Variants in SASH1 observed in about 807,000 individuals in gnomAD.
The protein encoded by SASH1 is SAM and SH3 domain-containing protein 1.
A neutral mutation model predicts 125.2 loss-of-function variants in SASH1; 44 were observed. The observed-to-expected ratio is 0.35, with a 90% CI of 0.28 to 0.45. The LOEUF (loss-of-function observed/expected upper bound fraction) is 0.45. SASH1 is among the 20% of genes least tolerant of loss of function. The probability of loss-of-function intolerance (pLI) is 1.00; values close to 1 mark genes in which losing one functional copy is unlikely to be tolerated. For synonymous variants in SASH1, 639 were observed against 649.1 expected (o/e 0.98, Z 0.24); for missense variants, 1,426 against 1,614.5 (o/e 0.88, Z 2.00).
intron 1 of SASH1, among the ~76,000 whole-genome samples, chr6:148,346,193 C>T (rs753257387): frequency 1.4e-4 from 22 of 152,162 alleles, no homozygotes; most frequent in Non-Finnish European, 2.6e-4. Flanking sequence ...AGTTGTCCCC[C>T]AGGGGATTTT....
intron 1 of SASH1, among the ~76,000 whole-genome samples, chr6:148,280,840 G>A (rs1779320039): frequency 6.6e-6 from 1 of 152,058 alleles, no homozygotes; most frequent in South Asian, 2.1e-4. Context: ...CAGAGAGAGA[G>A]AAAGAGAGAA....
intron 1 of SASH1, 35 bp from the exon 2 acceptor site, chr6:148,390,099 C>A: frequency 1.2e-6 from 2 of 1,609,958 alleles, no homozygotes; most frequent in African/African-American, 1.3e-5. Flanking sequence ...CCAGGGTGGA[C>A]TGACCTGACC....
chr6:148,304,480 G>T (rs1780068618), intron 1 of SASH1, among the ~76,000 whole-genome samples: 2 of 148,998 alleles, frequency 1.3e-5, no homozygotes, highest in Non-Finnish European at 3.0e-5. Flanking sequence ...GCATGGTGGT[G>T]GGCGCCTATA....
At chr6:148,457,198 A>T (rs917562312) in intron 4 of SASH1, among the ~76,000 whole-genome samples, 3 of 138,536 alleles carry the variant, frequency 2.2e-5, no homozygotes, top group Non-Finnish European at 4.6e-5. Flanking sequence ...TTTTTTTTAC[A>T]CCTTAATTTT....
intron 1 of SASH1, among the ~76,000 whole-genome samples, chr6:148,385,737 A>G (rs535395074): frequency 3.6e-4 from 55 of 152,290 alleles, no homozygotes; most frequent in African/African-American, 1.1e-3. Flanking sequence ...GAGCTTCTGG[A>G]TAGCTGAACA....
chr6:148,260,988 A>G, the SASH1 span, among the ~76,000 whole-genome samples: 2 of 151,890 alleles, frequency 1.3e-5, no homozygotes, highest in Non-Finnish European at 2.9e-5. Context: ...TATTTTTAGT[A>G]GAGACGGGGT....
At chr6:148,306,927 G>T (rs1482074196) in intron 1 of SASH1, among the ~76,000 whole-genome samples, 1 of 152,170 alleles carries the variant, frequency 6.6e-6, no homozygotes, top group Non-Finnish European at 1.5e-5. Flanking sequence ...CTTGGTATTT[G>T]TAAACATATA....
chr6:148,451,076 T>C (rs1021989122), intron 4 of SASH1, among the ~76,000 whole-genome samples: 7 of 152,232 alleles, frequency 4.6e-5, no homozygotes, highest in African/African-American at 1.4e-4. Context: ...TATACTTCCC[T>C]AATCCCAGAA....
At chr6:148,296,005 C>T (rs1030337243) in intron 1 of SASH1, among the ~76,000 whole-genome samples, 16 of 152,284 alleles carry the variant, frequency 1.1e-4, no homozygotes, top group Admixed American at 6.5e-4. Context: ...ACTTTCATTA[C>T]GCCTTTTGTT....
intron 1 of SASH1, among the ~76,000 whole-genome samples, chr6:148,287,925 T>G (rs1167283213): frequency 6.6e-6 from 1 of 152,208 alleles, no homozygotes; most frequent in Non-Finnish European, 1.5e-5. Flanking sequence ...GAACTAACCT[T>G]TAGTCCTCTC....
At chr6:148,455,067 TACA>T (rs1294869241) in intron 4 of SASH1, among the ~76,000 whole-genome samples, 1 of 152,220 alleles carries the variant, frequency 6.6e-6, no homozygotes, top group African/African-American at 2.4e-5. Flanking sequence ...AGGTGTTGGA[TACA>T]AGGAGGGAAT....
the SASH1 span, among the ~76,000 whole-genome samples, chr6:148,208,054 C>T: frequency 1.3e-5 from 2 of 152,202 alleles, no homozygotes; most frequent in Non-Finnish European, 2.9e-5. Flanking sequence ...ACCACCCATC[C>T]ATTCCTGCCC....
chr6:148,241,334 T>G, the SASH1 span, among the ~76,000 whole-genome samples: 3 of 152,208 alleles, frequency 2.0e-5, no homozygotes, highest in Non-Finnish European at 4.4e-5. Flanking sequence ...AGCTGGATTA[T>G]ATACATATTA....
At chr6:148,441,608 C>T (rs748490081) in intron 4 of SASH1, among the ~76,000 whole-genome samples, 25 of 152,132 alleles carry the variant, frequency 1.6e-4, no homozygotes, top group Non-Finnish European at 5.9e-5. Context: ...GTAGAAGCAT[C>T]GAGTGAACGG....
At chr6:148,334,366 T>C (rs1781086904) in intron 1 of SASH1, among the ~76,000 whole-genome samples, 1 of 137,116 alleles carries the variant, frequency 7.3e-6, no homozygotes, top group South Asian at 2.3e-4. Flanking sequence ...AGGCGGAGCT[T>C]GCAGTGAGCC....
rs1463910833 is a variant in SASH1, at chr6:148,349,234, ATTCTTTC to A, written c.156+6021_156+6027del. On this transcript the variant is annotated intron_variant, in intron 1 of 19. Transcript: ENST00000367467. ...TTTGGAAAAGTAACTTTTTTATTTC[ATTCTTTC>A]TTCTTTCTTTCTTTTTTTTTTTTTT... is the stretch of plus-strand genomic sequence containing the variant. 1.7e-4 allele frequency among the ~76,000 whole-genome samples: 15 copies of A among 86,446 alleles called. No homozygotes were observed. In the South Asian group the frequency reaches 4.4e-3, roughly 25 times the overall value. The allele number at this position is 86,446 out of a possible 152,430, so 56.7% of individuals were successfully genotyped here.
rs572250299 is a variant in SASH1, at chr6:148,401,785, T to TA, written c.285+11523_285+11524insA. Reference sequence around the variant, plus strand: ...ATTCGTGAACATCTGGATGTGTGTGTGGGGGGGTGTATGTTTTTTTTTAGT... The same window carrying TA: ...ATTCGTGAACATCTGGATGTGTGTGTAGGGGGGGTGTATGTTTTTTTTTAGT... On this transcript the variant is annotated intron_variant, in intron 2 of 19. Transcript: ENST00000367467. Among the ~76,000 whole-genome samples, 15 of 151,856 alleles carry TA rather than the reference T, an allele frequency of 9.9e-5. No individual in the cohort carries two copies. In the East Asian group the frequency reaches 2.3e-3, roughly 24 times the overall value.
intron 4 of SASH1, among the ~76,000 whole-genome samples, chr6:148,451,692 A>G (rs1266250812): frequency 6.6e-6 from 1 of 152,214 alleles, no homozygotes; most frequent in Non-Finnish European, 1.5e-5. Context: ...ATGAAGGTAC[A>G]ATACCAAGAA....
chr6:148,408,807 C>T (rs1022169852), intron 2 of SASH1, among the ~76,000 whole-genome samples: 2 of 152,180 alleles, frequency 1.3e-5, no homozygotes, highest in African/African-American at 4.8e-5. Flanking sequence ...TTACGTCTTA[C>T]GTTTAGGCCT....
Sources: gnomAD v4.1 joint callset for allele counts (sites outside exome capture counted in the v4.1 genomes callset) on GRCh38, gnomAD v4.1.1 for gene constraint, MANE v1.5 for transcripts, NCBI Gene and HGNC (gene_info 2026-07-23, HGNC 2026-07-21) for gene names.